The following UPK3BL2 variants were observed in gnomAD, a reference collection of about 807,000 sequenced individuals.
UPK3BL2 encodes the protein uroplakin-3b-like protein 2.
A neutral mutation model predicts 11.3 loss-of-function variants in UPK3BL2; 1 was observed. The ratio of observed to expected loss-of-function variants is 0.09; its 90% CI spans 0.03 to 0.42. The LOEUF (loss-of-function observed/expected upper bound fraction) is 0.42, where lower values mean the gene tolerates loss of function less well. UPK3BL2 is among the 10% of genes least tolerant of loss of function. UPK3BL2 has a pLI of 0.98.
At chr7:102,539,213 C>T (rs1800165761) in intron 5 of UPK3BL2, among the ~76,000 whole-genome samples, 1 of 66,320 alleles carries the variant, frequency 1.5e-5, no homozygotes, top group African/African-American at 3.9e-5. Flanking sequence ...GCCACCACAC[C>T]CGGCTAATTT....
rs1429380822 is a variant in UPK3BL2 at position 102,543,085 on chromosome 7, C to T, written c.112+440G>A. The stretch of plus-strand genomic sequence containing the variant: ...AGCAGTCAGAGATTGGGGTTGGGGG[C>T]AGAGATTGTAGGACTGTATCTCTCA... On this transcript the variant is annotated intron_variant, in intron 1 of 5. Transcript: ENST00000644544. 5.3e-5 allele frequency among the ~76,000 whole-genome samples: 8 copies of T among 149,822 alleles called. 1 individual carries two copies. The East Asian group carries it at 5.9e-4, about 11-fold the overall frequency.
intron 1 of UPK3BL2, among the ~76,000 whole-genome samples, chr7:102,543,144 A>G (rs1800344691): frequency 6.8e-6 from 1 of 147,202 alleles, no homozygotes; most frequent in Non-Finnish European, 1.5e-5. Flanking sequence ...TTCTTTTTTG[A>G]GACAGGGTCT....
At chr7:102,540,483 C>G (rs2133367976) in intron 3 of UPK3BL2, among the ~76,000 whole-genome samples, 1 of 86,808 alleles carries the variant, frequency 1.2e-5, no homozygotes, top group East Asian at 3.0e-4. Context: ...TCAAGAAAAG[C>G]AGGATAGGCC....
In UPK3BL2 at chr7:102,540,109, C is replaced by T. The variant is rs1311215760; in HGVS notation, c.486-18G>A. On this transcript the variant is annotated intron_variant, in intron 3 of 5. Transcript: ENST00000644544. ...ACTTCACCCTGAATGGGAGACCCAGCATTGGACATGGGGGTCCCCCGGAGT... is the reference window on the plus strand; with the variant it reads ...ACTTCACCCTGAATGGGAGACCCAGTATTGGACATGGGGGTCCCCCGGAGT... 2 of 1,176,650 alleles carry T rather than the reference C, an allele frequency of 1.7e-6. 1 individual carries two copies. Among genetic ancestry groups the T allele is most frequent in the Non-Finnish European group, 2.3e-6 (2 of 858,166 alleles). 72.9% of individuals were successfully genotyped at this position (1,176,650 alleles called of 1,614,324 possible).
At chr7:102,540,876 A>C (rs1800235847) in intron 3 of UPK3BL2, among the ~76,000 whole-genome samples, 1 of 113,696 alleles carries the variant, frequency 8.8e-6, no homozygotes, top group East Asian at 2.4e-4. Flanking sequence ...AAAAAAAAAA[A>C]GAAGAAAAGG....
chr7:102,537,991 C>A (rs1800144152), downstream of UPK3BL2: 1 of 105,442 alleles, frequency 9.5e-6, no homozygotes, highest in African/African-American at 2.9e-5. Flanking sequence ...CCCCCACCCT[C>A]ATCTAGAAAC....
intron 3 of UPK3BL2, among the ~76,000 whole-genome samples, chr7:102,540,862 A>AAC (rs1461397437): frequency 0.017 from 2,074 of 123,606 alleles, 7 homozygotes; most frequent in African/African-American, 0.071. Context: ...AAACAAAAAA[A>AAC]AAAAAAAAAA....
intron 3 of UPK3BL2, among the ~76,000 whole-genome samples, chr7:102,540,855 C>CAAAAAAAAAAAAAAAAAAAAAAAA (rs1158192702): frequency 8.2e-5 from 5 of 61,260 alleles, no homozygotes; most frequent in South Asian, 1.1e-3. Flanking sequence ...AAAAACAAAA[C>CAAAAAAAAAAAAAAAAAAAAAAAA]AAAAAAAAAA....
intron 3 of UPK3BL2, among the ~76,000 whole-genome samples, chr7:102,540,877 G>C (rs4729824): frequency 2.5e-4 from 17 of 68,328 alleles, no homozygotes; most frequent in East Asian, 4.5e-4. Context: ...AAAAAAAAAA[G>C]AAGAAAAGGA....
chr7:102,540,885 GGAA>G (rs1339268686), intron 3 of UPK3BL2, among the ~76,000 whole-genome samples: 2 of 64,886 alleles, frequency 3.1e-5, no homozygotes, highest in Non-Finnish European at 6.8e-5. Context: ...AAGAAGAAAA[GGAA>G]AAAAAAAAAA....
intron 3 of UPK3BL2, among the ~76,000 whole-genome samples, chr7:102,540,888 A>G (rs1800242553): frequency 8.5e-6 from 1 of 118,314 alleles, no homozygotes; most frequent in Non-Finnish European, 1.8e-5. Flanking sequence ...AAGAAAAGGA[A>G]AAAAAAAAAA....
At chr7:102,542,465 C>G (rs1160015865) in intron 1 of UPK3BL2, 1 of 984,772 alleles carries the variant, frequency 1.0e-6, no homozygotes, top group African/African-American at 1.7e-5. Context: ...TCCCCAACCC[C>G]AAATACTGGT....
At position 102,543,307 on chromosome 7, in the gene UPK3BL2, AT is replaced by A. The variant is rs1412751453; in HGVS notation, c.112+217del. Reference sequence around the variant, plus strand: ...AAAAACAAAAATCTTAAAAAAAAAAATCTTTTTGAAAAAAGGGGTCTTGTTA... The same window carrying A: ...AAAAACAAAAATCTTAAAAAAAAAAACTTTTTGAAAAAAGGGGTCTTGTTA... On this transcript the variant is annotated intron_variant, in intron 1 of 5. Transcript: ENST00000644544. Among the ~76,000 whole-genome samples, 7 of 129,206 alleles carry A rather than the reference AT, an allele frequency of 5.4e-5. No individual in the cohort carries two copies. The East Asian group carries it at 9.0e-4, about 17-fold the overall frequency. 84.8% of individuals were successfully genotyped at this position (129,206 alleles called of 152,430 possible).
intron 3 of UPK3BL2, among the ~76,000 whole-genome samples, chr7:102,540,858 A>AC: frequency 1.1e-5 from 1 of 93,064 alleles, no homozygotes; most frequent in East Asian, 2.8e-4. Context: ...AACAAAACAA[A>AC]AAAAAAAAAA....
intron 3 of UPK3BL2, among the ~76,000 whole-genome samples, chr7:102,540,855 CAAAAAAAAAAA>C (rs1158192702): frequency 1.3e-4 from 8 of 61,282 alleles, no homozygotes; most frequent in African/African-American, 2.9e-4. Context: ...AAAAACAAAA[CAAAAAAAAAAA>C]AAAAAAAAAA....
At chr7:102,540,896 A>G (rs1800243653) in intron 3 of UPK3BL2, among the ~76,000 whole-genome samples, 197 bp downstream of exon 3, 2 of 129,444 alleles carry the variant, frequency 1.5e-5, no homozygotes, top group Non-Finnish European at 3.4e-5. Flanking sequence ...GAAAAAAAAA[A>G]AAAAGAGAAG....
At chr7:102,540,855 C>CAAAACAAAACA (rs1479651896) in intron 3 of UPK3BL2, among the ~76,000 whole-genome samples, 2 of 61,282 alleles carry the variant, frequency 3.3e-5, no homozygotes, top group Non-Finnish European at 7.5e-5. Context: ...AAAAACAAAA[C>CAAAACAAAACA]AAAAAAAAAA....
intron 1 of UPK3BL2, among the ~76,000 whole-genome samples, chr7:102,543,091 T>C (rs1421132272): frequency 1.3e-5 from 2 of 150,112 alleles, no homozygotes; most frequent in South Asian, 2.1e-4. Flanking sequence ...GGGGCAGAGA[T>C]TGTAGGACTG....
chr7:102,540,845 A>AAAAACAAAAC lies in UPK3BL2; in HGVS notation c.485+238_485+247dup, dbSNP rs1300721518. Among the ~76,000 whole-genome samples the AAAAACAAAAC allele has an allele frequency of 1.9e-3, 240 of 127,382 alleles. 18 individuals are homozygous for AAAAACAAAAC. Among genetic ancestry groups the AAAAACAAAAC allele is most frequent in the Middle Eastern group, 8.8e-3 (2 of 226 alleles). The allele number at this position is 127,382 out of a possible 152,430, so 83.6% of individuals were successfully genotyped here. On this transcript the variant is annotated intron_variant, in intron 3 of 5. Coordinates refer to ENST00000644544, the Ensembl canonical transcript of UPK3BL2. ...GGTCACAGAGCAAGACTCCATCTCA[A>AAAAACAAAAC]AAAACAAAACAAAAAAAAAAAAAAA...
Sources: gnomAD v4.1 joint callset for allele counts (sites outside exome capture counted in the v4.1 genomes callset) on GRCh38, gnomAD v4.1.1 for gene constraint, MANE v1.5 for transcripts, NCBI Gene and HGNC (gene_info 2026-07-23, HGNC 2026-07-21) for gene names.